Variants in CRYL1 observed in about 807,000 individuals in gnomAD.
CRYL1 encodes lambda-crystallin homolog.
CRYL1 carries 29 observed loss-of-function variants against 36.6 expected under a neutral mutation model. The observed-to-expected ratio is 0.79, with a 90% CI of 0.59 to 1.08. CRYL1 has a LOEUF of 1.08. Ranked by LOEUF, CRYL1 falls within the 50% of genes least tolerant of loss-of-function variation. The probability of loss-of-function intolerance (pLI) is 0.00; values close to 1 mark genes in which losing one functional copy is unlikely to be tolerated. For synonymous variants in CRYL1, 152 were observed against 151.5 expected, an observed-to-expected ratio of 1.00 and a Z score of -0.02; for missense variants, 411 against 407.9, an observed-to-expected ratio of 1.01 and a Z score of -0.06.
intron 2 of CRYL1, among the ~76,000 whole-genome samples, chr13:20,490,878 GGTTTT>G (rs1011287362): frequency 6.6e-6 from 1 of 151,916 alleles, no homozygotes; most frequent in Non-Finnish European, 1.5e-5. Flanking sequence ...TTGCTTTTTG[GGTTTT>G]GTTTTGTTTT....
intron 2 of CRYL1, among the ~76,000 whole-genome samples, chr13:20,504,907 C>T (rs1013916837): frequency 3.3e-5 from 5 of 152,054 alleles, no homozygotes; most frequent in African/African-American, 7.2e-5. Context: ...AACTTCCCCC[C>T]GTTTAAGTTC....
intron 2 of CRYL1, among the ~76,000 whole-genome samples, chr13:20,505,452 G>A (rs1163114020): frequency 6.6e-6 from 1 of 151,608 alleles, no homozygotes; most frequent in Non-Finnish European, 1.5e-5. Flanking sequence ...TGAGGAATAT[G>A]ACTGGAAACA....
intron 2 of CRYL1, among the ~76,000 whole-genome samples, chr13:20,505,114 GGGAGACCAAGGCA>G (rs1011731784): frequency 3.3e-5 from 5 of 152,218 alleles, no homozygotes; most frequent in African/African-American, 9.6e-5. Context: ...CGAGCACTTT[GGGAGACCAAGGCA>G]GGTAGATCAC....
At chr13:20,517,981 T>G (rs190954369) in intron 1 of CRYL1, among the ~76,000 whole-genome samples, 14 of 148,546 alleles carry the variant, frequency 9.4e-5, no homozygotes, top group African/African-American at 3.0e-4. Context: ...CAGTATGAAT[T>G]TATTTGTTCA....
intron 3 of CRYL1, among the ~76,000 whole-genome samples, chr13:20,459,940 G>A (rs1251259382): frequency 6.6e-6 from 1 of 152,192 alleles, no homozygotes; most frequent in Non-Finnish European, 1.5e-5. Context: ...GGGTCTGTCT[G>A]CTTTCCTCCT....
At chr13:20,482,558 C>T (rs1014131518) in intron 3 of CRYL1, among the ~76,000 whole-genome samples, 3 of 152,216 alleles carry the variant, frequency 2.0e-5, no homozygotes, top group South Asian at 4.1e-4. Flanking sequence ...TTCTTTCTTG[C>T]GTGCTCCCGG....
chr13:20,431,903 G>C (rs1226961470), intron 5 of CRYL1, 199 bp downstream of exon 5: 1 of 1,519,128 alleles, frequency 6.6e-7, no homozygotes, highest in Non-Finnish European at 8.8e-7. Context: ...CAGGCAGACA[G>C]TGAATCGCTG....
At chr13:20,448,090 G>A (rs117103204) in intron 3 of CRYL1, among the ~76,000 whole-genome samples, 8 of 152,252 alleles carry the variant, frequency 5.3e-5, no homozygotes, top group Non-Finnish European at 8.8e-5. Flanking sequence ...ATGCAACATC[G>A]TATGGGTAAT....
chr13:20,474,739 T>C (rs58320649), intron 3 of CRYL1, among the ~76,000 whole-genome samples: 14,953 of 151,868 alleles, frequency 0.098, 2,099 homozygotes, highest in African/African-American at 0.32. Flanking sequence ...ACAACCTTCC[T>C]CTCCCCTCCC....
chr13:20,415,566 G>A lies in CRYL1; in HGVS notation c.634-2179C>T, dbSNP rs893397335. On this transcript the variant is annotated intron_variant, in intron 5 of 7. Transcript: ENST00000298248. This position sits in a 1 kb window ranked among gnomAD's most constrained non-coding sequence, Gnocchi z 4.1. ...GCCAGGGCCACTCACTGTGACCCGC[G>A]ACTCCCTTTTAGAGAGCCACTTTGC... 6.6e-6 allele frequency among the ~76,000 whole-genome samples: 1 copy of A among 152,204 alleles called. No individual in the cohort carries two copies. The highest frequency in any genetic ancestry group is 1.5e-5 in the Non-Finnish European group (1 of 68,024).
At chr13:20,482,630 A>G (rs1673633273) in intron 3 of CRYL1, among the ~76,000 whole-genome samples, 2 of 152,234 alleles carry the variant, frequency 1.3e-5, no homozygotes, top group Admixed American at 6.5e-5. Flanking sequence ...GGTTGGGTAG[A>G]AAACAATCCA....
At chr13:20,404,380 C>G in intron 7 of CRYL1, 138 bp from the exon 8 acceptor site, 1 of 645,178 alleles carries the variant, frequency 1.5e-6, no homozygotes, top group Non-Finnish European at 2.7e-6. Context: ...TGAACAGCAG[C>G]TTTCCAAATC....
At chr13:20,456,244 C>T (rs1038885666) in intron 3 of CRYL1, among the ~76,000 whole-genome samples, 25 of 151,930 alleles carry the variant, frequency 1.6e-4, no homozygotes, top group Admixed American at 9.2e-4. Flanking sequence ...GAGGCCGAGG[C>T]GGGCGTATCA....
intron 2 of CRYL1, among the ~76,000 whole-genome samples, chr13:20,505,359 C>CAAAAAGAAAAAAAA (rs2033775308): frequency 1.1e-5 from 1 of 91,222 alleles, no homozygotes; most frequent in Non-Finnish European, 2.3e-5. Context: ...TCTATCCCAC[C>CAAAAAGAAAAAAAA]AAAAAAAAAA....
chr13:20,424,330 C>A (rs115395713), intron 5 of CRYL1, among the ~76,000 whole-genome samples: 3 of 152,118 alleles, frequency 2.0e-5, no homozygotes, highest in Non-Finnish European at 2.9e-5. Flanking sequence ...AGCATGTGGA[C>A]TCTGTTGGAA....
intron 6 of CRYL1, among the ~76,000 whole-genome samples, chr13:20,410,022 C>T (rs2031477414): frequency 6.6e-6 from 1 of 151,750 alleles, no homozygotes; most frequent in African/African-American, 2.4e-5. Flanking sequence ...ACCCAGCCAT[C>T]CCATTACTGG....
chr13:20,513,964 C>T (rs559384869), intron 1 of CRYL1, among the ~76,000 whole-genome samples: 17 of 150,268 alleles, frequency 1.1e-4, no homozygotes, highest in South Asian at 2.1e-4. Flanking sequence ...GATAGGGGCC[C>T]GATATAGGAG....
chr13:20,506,973 C>T (rs2033804920), intron 2 of CRYL1, among the ~76,000 whole-genome samples: 1 of 152,150 alleles, frequency 6.6e-6, no homozygotes, highest in African/African-American at 2.4e-5. Context: ...AGGTGTTTCC[C>T]ATGCTATTCT....
chr13:20,413,453 C>A, intron 5 of CRYL1, 66 bp from the exon 6 acceptor site: 1 of 983,074 alleles, frequency 1.0e-6, no homozygotes, highest in East Asian at 2.4e-5. Context: ...CCACCACTTC[C>A]ATCCTAACTT....
Sources: allele counts gnomAD v4.1 joint callset (sites outside exome capture counted in the v4.1 genomes callset), GRCh38; gene constraint gnomAD v4.1.1; non-coding constraint Gnocchi (gnomAD v3.1); transcripts MANE v1.5; gene names NCBI Gene and HGNC (gene_info 2026-07-23, HGNC 2026-07-21).